The following SNTG2 variants were observed in gnomAD, a reference collection of about 807,000 sequenced individuals.
SNTG2 encodes the protein gamma-2-syntrophin.
A neutral mutation model predicts 70.9 loss-of-function variants in SNTG2; 74 were observed. The ratio of observed to expected loss-of-function variants is 1.04; its 90% CI spans 0.86 to 1.27. The LOEUF (loss-of-function observed/expected upper bound fraction) is 1.27. SNTG2 is among the 50% of genes most tolerant of loss of function. The pLI, the probability that SNTG2 is intolerant of heterozygous loss-of-function variation, is 0.00. For missense variants in SNTG2, 717 were observed against 690.7 expected (o/e 1.04, Z -0.43); for synonymous variants, 278 against 273.8 (o/e 1.02, Z -0.15).
At chr2:1,178,894 G>A (rs567788254) in intron 8 of SNTG2, among the ~76,000 whole-genome samples, 4 of 152,158 alleles carry the variant, frequency 2.6e-5, no homozygotes, top group Non-Finnish European at 4.4e-5. Flanking sequence ...GCTCCTCCTT[G>A]TACCTCTGGT....
At chr2:1,177,171 C>A (rs534389662) in intron 8 of SNTG2, among the ~76,000 whole-genome samples, 2 of 152,268 alleles carry the variant, frequency 1.3e-5, no homozygotes, top group African/African-American at 4.8e-5. Flanking sequence ...AAGACTATGT[C>A]CTTTGCAGGG....
At chr2:1,117,110 C>T (rs939212040) in intron 4 of SNTG2, among the ~76,000 whole-genome samples, 11 of 146,044 alleles carry the variant, frequency 7.5e-5, no homozygotes, top group East Asian at 6.3e-4. Context: ...CCCCGGTGTA[C>T]GGGTGCTCTT....
chr2:1,031,528 A>ATATATATATATATATATTTTTTTTTTTTT, intron 1 of SNTG2, among the ~76,000 whole-genome samples: 3 of 59,122 alleles, frequency 5.1e-5, no homozygotes, highest in Non-Finnish European at 6.3e-5. Flanking sequence ...ATATATATAT[A>ATATATATATATATATATTTTTTTTTTTTT]TTTTTTTTTT....
intron 9 of SNTG2, among the ~76,000 whole-genome samples, chr2:1,224,383 C>G (rs1309854449): frequency 1.3e-5 from 2 of 152,190 alleles, no homozygotes; most frequent in African/African-American, 2.4e-5. Flanking sequence ...GTGCCTCTGC[C>G]TGGAGCACAG....
chr2:1,121,910 TA>T (rs140392408), intron 4 of SNTG2, among the ~76,000 whole-genome samples: 1 of 151,580 alleles, frequency 6.6e-6, no homozygotes, highest in East Asian at 1.9e-4. Flanking sequence ...TTCAAATAAA[TA>T]AAAAAAGTGA....
At chr2:1,100,350 A>G (rs1665706134) in intron 4 of SNTG2, among the ~76,000 whole-genome samples, 1 of 152,134 alleles carries the variant, frequency 6.6e-6, no homozygotes, top group Non-Finnish European at 1.5e-5. Context: ...TATTTTTAGT[A>G]GAGGCGGGGG....
At chr2:1,026,306 C>T (rs1479518476) in intron 1 of SNTG2, among the ~76,000 whole-genome samples, 2 of 152,170 alleles carry the variant, frequency 1.3e-5, no homozygotes, top group East Asian at 1.9e-4. Context: ...CAGCACTTAG[C>T]GTGAACACTG....
chr2:1,355,095 C>T (rs1391550221), intron 16 of SNTG2, among the ~76,000 whole-genome samples: 3 of 152,240 alleles, frequency 2.0e-5, no homozygotes, highest in Non-Finnish European at 4.4e-5. Flanking sequence ...ACACATTTCA[C>T]ACCGTGGTTC....
intron 6 of SNTG2, among the ~76,000 whole-genome samples, chr2:1,144,341 ACAG>A (rs1668960677): frequency 6.6e-6 from 1 of 152,232 alleles, no homozygotes; most frequent in Non-Finnish European, 1.5e-5. Flanking sequence ...ACAAATTTCA[ACAG>A]CATCATCAAT....
chr2:1,241,793 C>G (rs999444802), intron 11 of SNTG2, among the ~76,000 whole-genome samples: 1 of 152,156 alleles, frequency 6.6e-6, no homozygotes, highest in Non-Finnish European at 1.5e-5. Flanking sequence ...TGCTTCATCT[C>G]AGTGAAATTC....
chr2:1,192,666 C>T (rs1009582838), intron 8 of SNTG2, among the ~76,000 whole-genome samples: 1 of 152,208 alleles, frequency 6.6e-6, no homozygotes, highest in Admixed American at 6.5e-5. Context: ...AAATTTCGAG[C>T]TTGCGTTAAT....
At chr2:1,320,725 A>T (rs35278417) in intron 16 of SNTG2, among the ~76,000 whole-genome samples, 1 of 151,904 alleles carries the variant, frequency 6.6e-6, no homozygotes, top group Non-Finnish European at 1.5e-5. Context: ...GAGGAAGCAA[A>T]TGTTATTGAA....
chr2:1,229,108 A>G (rs1228990870), intron 9 of SNTG2, among the ~76,000 whole-genome samples: 1 of 152,128 alleles, frequency 6.6e-6, no homozygotes, highest in Non-Finnish European at 1.5e-5. Flanking sequence ...TGCAAAGAGC[A>G]AAAGAACAAA....
chr2:1,168,716 T>TG (rs1441396183), intron 7 of SNTG2, among the ~76,000 whole-genome samples: 1 of 152,174 alleles, frequency 6.6e-6, no homozygotes, highest in African/African-American at 2.4e-5. Context: ...GTAGCAAACC[T>TG]GGATCAGTAA....
intron 1 of SNTG2, among the ~76,000 whole-genome samples, chr2:960,049 T>A (rs964433512): frequency 2.0e-5 from 3 of 152,148 alleles, no homozygotes; most frequent in Non-Finnish European, 4.4e-5. Context: ...ATTTTCATAG[T>A]TTGCTAAGAA....
At chr2:1,350,307 G>C (rs911251996) in intron 16 of SNTG2, among the ~76,000 whole-genome samples, 1 of 152,186 alleles carries the variant, frequency 6.6e-6, no homozygotes, top group Non-Finnish European at 1.5e-5. Flanking sequence ...CTGGGCTTTG[G>C]TCGAATTAAT....
intron 16 of SNTG2, among the ~76,000 whole-genome samples, chr2:1,321,192 A>G (rs1417993557): frequency 6.6e-6 from 1 of 152,206 alleles, no homozygotes; most frequent in Non-Finnish European, 1.5e-5. Context: ...TCCTACTATC[A>G]TTAAAATGAG....
intron 1 of SNTG2, among the ~76,000 whole-genome samples, chr2:1,026,169 G>A (rs981639783): frequency 6.6e-6 from 1 of 152,156 alleles, no homozygotes; most frequent in Non-Finnish European, 1.5e-5. Context: ...AAAGTTTGTT[G>A]TTGTTGTTGA....
At chr2:1,166,588 C>T (rs1241019287) in intron 7 of SNTG2, among the ~76,000 whole-genome samples, 2 of 152,170 alleles carry the variant, frequency 1.3e-5, no homozygotes, top group East Asian at 3.9e-4. Flanking sequence ...TTGGGTTTTT[C>T]ACTGATACAG....
Sources: allele counts gnomAD v4.1 joint callset (sites outside exome capture counted in the v4.1 genomes callset), GRCh38; gene constraint gnomAD v4.1.1; transcripts MANE v1.5; gene names NCBI Gene and HGNC (gene_info 2026-07-23, HGNC 2026-07-21).